Variants in RBFOX1 observed in about 807,000 individuals in gnomAD.
RBFOX1 encodes RNA binding protein fox-1 homolog 1.
Under a neutral mutation model 57.7 loss-of-function variants are expected in RBFOX1, and 8 were observed. That is an observed-to-expected ratio of 0.14 (90% CI 0.08 to 0.25). The LOEUF (loss-of-function observed/expected upper bound fraction) is 0.25, where lower values mean the gene tolerates loss of function less well. RBFOX1 is among the 10% of genes least tolerant of loss of function. The pLI is 1.00. For synonymous variants in RBFOX1, 326 were observed against 222.4 expected, an observed-to-expected ratio of 1.47 and a Z score of -4.15; for missense variants, 611 against 548.5, an observed-to-expected ratio of 1.11 and a Z score of -1.14.
chr16:7,138,575 C>T (rs1299030285), intron 4 of RBFOX1, among the ~76,000 whole-genome samples: 1 of 152,126 alleles, frequency 6.6e-6, no homozygotes, highest in Non-Finnish European at 1.5e-5. Flanking sequence ...TATCCTCATC[C>T]CCACTTTTCC....
At chr16:6,859,127 A>ATATG (rs1555536694) in intron 3 of RBFOX1, among the ~76,000 whole-genome samples, 1,627 of 67,654 alleles carry the variant, frequency 0.024, 49 homozygotes, top group Admixed American at 0.053. Flanking sequence ...ATATATATAT[A>ATATG]TACATATATA....
At chr16:7,217,040 C>CG (rs2092205270) in intron 4 of RBFOX1, among the ~76,000 whole-genome samples, 1 of 118,414 alleles carries the variant, frequency 8.4e-6, no homozygotes, top group South Asian at 3.7e-4. Flanking sequence ...TCCCTCCCTC[C>CG]CTCCCTCCCT....
At chr16:6,100,155 G>GT (rs200030399) in intron 1 of RBFOX1, among the ~76,000 whole-genome samples, 5,939 of 150,198 alleles carry the variant, frequency 0.04, 163 homozygotes, top group African/African-American at 0.071. Flanking sequence ...TTTTGTTGTT[G>GT]TTTTTTTTTG....
chr16:6,967,715 A>T (rs1030921020), intron 3 of RBFOX1, among the ~76,000 whole-genome samples: 1 of 152,034 alleles, frequency 6.6e-6, no homozygotes, highest in African/African-American at 2.4e-5. Flanking sequence ...TCCTTGGTCA[A>T]ATGGGTCTTC....
chr16:6,307,765 A>G (rs1466761028), intron 1 of RBFOX1, among the ~76,000 whole-genome samples: 6 of 146,914 alleles, frequency 4.1e-5, no homozygotes, highest in Non-Finnish European at 7.5e-5. Flanking sequence ...ATGATTGTTT[A>G]TATTATTTAT....
intron 4 of RBFOX1, among the ~76,000 whole-genome samples, chr16:7,213,294 G>A (rs1401498543): frequency 6.6e-6 from 1 of 152,126 alleles, no homozygotes; most frequent in Non-Finnish European, 1.5e-5. Flanking sequence ...CGCTGAGGTT[G>A]CCTTAAAAAA....
chr16:6,614,606 T>G (rs868119508), intron 2 of RBFOX1, among the ~76,000 whole-genome samples: 2 of 152,022 alleles, frequency 1.3e-5, no homozygotes, highest in African/African-American at 2.4e-5. Context: ...GAAATCAAAG[T>G]GTGGGCAGGC....
rs201539408 is a variant in RBFOX1, at chr16:6,216,468, G to A, written c.-126-100527G>A. ...CACCATTAGCTCCCCCTCTTAATCC[G>A]AACTGCTGTATCGCTGAAGAGAGTG... On this transcript the variant is annotated intron_variant, in intron 1 of 15. Transcript: ENST00000550418. Among the ~76,000 whole-genome samples, 17 of 152,164 alleles carry A rather than the reference G, an allele frequency of 1.1e-4. No homozygotes were observed. The East Asian group carries it at 2.5e-3, about 23-fold the overall frequency.
intron 4 of RBFOX1, among the ~76,000 whole-genome samples, chr16:7,384,378 C>T (rs1005224852): frequency 6.6e-6 from 1 of 152,022 alleles, no homozygotes; most frequent in Non-Finnish European, 1.5e-5. Flanking sequence ...CAACAGGCAC[C>T]TTTATATTTA....
chr16:6,212,764 C>G, intron 1 of RBFOX1, among the ~76,000 whole-genome samples: 1 of 151,936 alleles, frequency 6.6e-6, no homozygotes, highest in East Asian at 1.9e-4. Flanking sequence ...ATGGAGTAAT[C>G]TGCGTTTTTA....
At chr16:5,576,671 G>A (rs911143078) in intron 2 of RBFOX1, among the ~76,000 whole-genome samples, 2 of 152,198 alleles carry the variant, frequency 1.3e-5, no homozygotes, top group South Asian at 2.1e-4. Context: ...CATCTCATTT[G>A]TCTCTTTGGT....
intron 4 of RBFOX1, among the ~76,000 whole-genome samples, chr16:5,996,146 C>T (rs1364563509): frequency 6.6e-6 from 1 of 152,118 alleles, no homozygotes; most frequent in Admixed American, 6.5e-5. Flanking sequence ...TGGGATTTCA[C>T]CATATTAATT....
rs1004593339 is a variant in RBFOX1 at position 5,441,365 on chromosome 16, T to G, written c.220-25851T>G. Among the ~76,000 whole-genome samples, 9 of 27,236 alleles carry G rather than the reference T, an allele frequency of 3.3e-4. No homozygotes were observed. In the East Asian group the frequency reaches 0.021, roughly 63 times the overall value. 17.9% of individuals were successfully genotyped at this position (27,236 alleles called of 152,430 possible). ...GGTTAATTTATAAAGGAAAGAGGGT[T>G]TTTTTTTTTTTTTTTTTGAGACAGA... is the stretch of plus-strand genomic sequence containing the variant. On this transcript the variant is annotated intron_variant, in intron 1 of 2. Transcript: ENST00000585867.
At chr16:5,997,940 A>G (rs2060519324) in intron 4 of RBFOX1, among the ~76,000 whole-genome samples, 1 of 152,184 alleles carries the variant, frequency 6.6e-6, no homozygotes, top group Non-Finnish European at 1.5e-5. Flanking sequence ...ACATCTCTTG[A>G]ACAATATAAA....
At chr16:5,808,758 T>C (rs1046385842) in intron 3 of RBFOX1, among the ~76,000 whole-genome samples, 8 of 152,210 alleles carry the variant, frequency 5.3e-5, no homozygotes, top group Middle Eastern at 3.2e-3. Flanking sequence ...GTGATTTTTG[T>C]GCATTGATTT....
intron 1 of RBFOX1, among the ~76,000 whole-genome samples, chr16:6,224,633 A>C (rs2097402353): frequency 6.6e-6 from 1 of 152,124 alleles, no homozygotes; most frequent in African/African-American, 2.4e-5. Flanking sequence ...CTTCATATGT[A>C]CCACCTACTC....
intron 4 of RBFOX1, among the ~76,000 whole-genome samples, chr16:7,365,736 G>C (rs2097430795): frequency 6.6e-6 from 1 of 152,184 alleles, no homozygotes; most frequent in Non-Finnish European, 1.5e-5. Flanking sequence ...TGCAGAGATA[G>C]AGAAACCCTG....
chr16:6,680,844 G>T (rs28642088), intron 3 of RBFOX1, among the ~76,000 whole-genome samples: 54,114 of 152,052 alleles, frequency 0.36, 11,252 homozygotes, highest in Middle Eastern at 0.47. Context: ...GTTAAAACAT[G>T]AATGAAGTAC....
chr16:6,014,845 T>C (rs2094983471), upstream of RBFOX1, among the ~76,000 whole-genome samples: 1 of 149,516 alleles, frequency 6.7e-6, no homozygotes, highest in African/African-American at 2.4e-5. Context: ...AAAAGGATGC[T>C]TGGCTACTTG....
Sources: gnomAD v4.1 joint callset for allele counts (sites outside exome capture counted in the v4.1 genomes callset) on GRCh38, gnomAD v4.1.1 for gene constraint, MANE v1.5 for transcripts, NCBI Gene and HGNC (gene_info 2026-07-23, HGNC 2026-07-21) for gene names.